CCDC146: variants seen among roughly 807,000 people sequenced by gnomAD.
The protein encoded by CCDC146 is coiled-coil domain-containing protein 146.
CCDC146 carries 92 observed loss-of-function variants against 119.3 expected under a neutral mutation model. That is an observed-to-expected ratio of 0.77 (90% confidence interval 0.65 to 0.92). The LOEUF is 0.92. Among genes scored for constraint, CCDC146 ranks in the 40% least tolerant of loss-of-function variants. The probability of loss-of-function intolerance (pLI) is 0.00; values close to 1 mark genes in which losing one functional copy is unlikely to be tolerated. For missense variants in CCDC146, 1,000 were observed against 1,103.0 expected (o/e 0.91, Z 1.32); for synonymous variants, 372 against 371.8 (o/e 1.00, Z -0.01).
At chr7:77,142,693 C>T (rs952572834) in intron 1 of CCDC146, among the ~76,000 whole-genome samples, 6 of 149,042 alleles carry the variant, frequency 4.0e-5, no homozygotes, top group African/African-American at 1.3e-4. Flanking sequence ...CGATAGTTTG[C>T]TGAGGATGAT....
At chr7:77,210,102 C>G (rs1792154835) in intron 2 of CCDC146, among the ~76,000 whole-genome samples, 1 of 152,218 alleles carries the variant, frequency 6.6e-6, no homozygotes, top group African/African-American at 2.4e-5. Flanking sequence ...TCCCCACAAA[C>G]TGGATTTTTC....
intron 2 of CCDC146, among the ~76,000 whole-genome samples, chr7:77,173,568 G>T (rs1239871430): frequency 6.6e-6 from 1 of 152,218 alleles, no homozygotes. Flanking sequence ...GGCAGAGGTT[G>T]CAGTGAGCCC....
At chr7:77,286,720 C>G in intron 15 of CCDC146, 78 bp from the exon 16 acceptor site, 1 of 1,483,690 alleles carries the variant, frequency 6.7e-7, no homozygotes, top group Non-Finnish European at 9.2e-7. Context: ...AAAAAACTCT[C>G]AAGACCCTAG....
chr7:77,189,161 A>T (rs1791717967), intron 2 of CCDC146, among the ~76,000 whole-genome samples: 1 of 152,024 alleles, frequency 6.6e-6, no homozygotes, highest in Non-Finnish European at 1.5e-5. Context: ...AAAACTTCTG[A>T]TTCCAGCCTC....
chr7:77,137,871 G>T (rs1307534969), intron 1 of CCDC146, among the ~76,000 whole-genome samples: 3 of 149,710 alleles, frequency 2.0e-5, no homozygotes, highest in East Asian at 3.9e-4. Flanking sequence ...ATATATGTAG[G>T]TTCTGTTGTC....
At position 77,280,494 on chromosome 7, in the gene CCDC146, A is replaced by G; in HGVS notation, c.1760A>G (p.Asp587Gly). The change falls in exon 14 of 19, where the codon GAT becomes GGT. Residue 587 changes from aspartate to glycine, a missense_variant. Transcript: ENST00000285871. ...ACCATCAGAGAGAGCATGCAAAACG[A>G]TGTGCGCAAAATTGTATCAAAACTT... is the stretch of plus-strand genomic sequence containing the variant. ...NVTIRESMQN[D>G]VRKIVSKLQE... 1 of 1,614,190 alleles carries G rather than the reference A, an allele frequency of 6.2e-7. No individual in the cohort carries two copies. The highest frequency in any genetic ancestry group is 8.5e-7 in the Non-Finnish European group (1 of 1,180,012).
At chr7:77,267,176 A>G (rs1793421694) in intron 9 of CCDC146, among the ~76,000 whole-genome samples, 2 of 152,020 alleles carry the variant, frequency 1.3e-5, no homozygotes, top group Non-Finnish European at 2.9e-5. Context: ...TATTTTTAGT[A>G]GAGATGGGGT....
At chr7:77,246,538 T>G (rs997803327) in intron 4 of CCDC146, 5 of 152,124 alleles carry the variant, frequency 3.3e-5, no homozygotes, top group African/African-American at 1.2e-4. Flanking sequence ...GGTTAGGAGT[T>G]AATACATACC....
chr7:77,232,921 G>A (rs76053882), intron 2 of CCDC146, among the ~76,000 whole-genome samples: 10,171 of 152,218 alleles, frequency 0.067, 709 homozygotes, highest in East Asian at 0.27. Flanking sequence ...CTAGAGGGAT[G>A]GATGCAGCCC....
At chr7:77,290,403 G>GA (rs1408677717) in intron 17 of CCDC146, among the ~76,000 whole-genome samples, 1 of 149,886 alleles carries the variant, frequency 6.7e-6, no homozygotes, top group African/African-American at 2.4e-5. Flanking sequence ...GAAAAAAGAA[G>GA]AAAAAAAAAG....
intron 4 of CCDC146, among the ~76,000 whole-genome samples, chr7:77,251,386 T>C (rs565154771): frequency 6.6e-6 from 1 of 152,276 alleles, no homozygotes; most frequent in East Asian, 1.9e-4. Context: ...CATTTCGGGA[T>C]TGAGTTTATC....
intron 2 of CCDC146, among the ~76,000 whole-genome samples, chr7:77,187,155 T>C (rs1791680718): frequency 6.6e-6 from 1 of 152,218 alleles, no homozygotes; most frequent in Non-Finnish European, 1.5e-5. Context: ...ACCTTATTCA[T>C]TGATGTTACC....
intron 2 of CCDC146, among the ~76,000 whole-genome samples, chr7:77,221,187 A>T (rs1792397333): frequency 6.6e-6 from 1 of 152,176 alleles, no homozygotes; most frequent in African/African-American, 2.4e-5. Context: ...GTCACCTCCC[A>T]TCAGACTCCA....
At chr7:77,294,530 T>A in intron 18 of CCDC146, 133 bp from the exon 19 acceptor site, 16 of 580,418 alleles carry the variant, frequency 2.8e-5, no homozygotes, top group Admixed American at 7.8e-5. Context: ...CTCCTACCCC[T>A]CCCATCCCTT....
intron 2 of CCDC146, among the ~76,000 whole-genome samples, chr7:77,234,062 G>T (rs1428398034): frequency 1.3e-5 from 2 of 151,888 alleles, no homozygotes; most frequent in African/African-American, 4.8e-5. Flanking sequence ...CTGTTTTTTT[G>T]AATATTTGAG....
chr7:77,160,730 C>T (rs2117467057), intron 1 of CCDC146, among the ~76,000 whole-genome samples: 1 of 152,296 alleles, frequency 6.6e-6, no homozygotes, highest in South Asian at 2.1e-4. Flanking sequence ...GACAATTTGA[C>T]TTCCTCTTTT....
At chr7:77,164,123 A>G (rs866251608) in intron 1 of CCDC146, among the ~76,000 whole-genome samples, 6 of 152,158 alleles carry the variant, frequency 3.9e-5, no homozygotes, top group African/African-American at 7.2e-5. Context: ...TCCGTCTCCC[A>G]AAGTGCTGAG....
chr7:77,173,578 C>G (rs1791458784), intron 2 of CCDC146, among the ~76,000 whole-genome samples: 1 of 152,106 alleles, frequency 6.6e-6, no homozygotes, highest in South Asian at 2.1e-4. Flanking sequence ...GCAGTGAGCC[C>G]AGATCACACC....
chr7:77,158,278 T>G (rs1458384928), intron 1 of CCDC146, among the ~76,000 whole-genome samples: 1 of 152,224 alleles, frequency 6.6e-6, no homozygotes, highest in Non-Finnish European at 1.5e-5. Flanking sequence ...TTTAATTGAT[T>G]TAGGCATTCT....
Sources: allele counts gnomAD v4.1 joint callset (sites outside exome capture counted in the v4.1 genomes callset), GRCh38; gene constraint gnomAD v4.1.1; transcripts MANE v1.5; gene names NCBI Gene and HGNC (gene_info 2026-07-23, HGNC 2026-07-21).